Variants in COG6 observed in about 807,000 individuals in gnomAD.
The protein encoded by COG6 is component of oligomeric golgi complex 6.
A neutral mutation model predicts 88.8 loss-of-function variants in COG6; 74 were observed. The ratio of observed to expected loss-of-function variants is 0.83; its 90% CI spans 0.69 to 1.01. The LOEUF is 1.01. COG6 is among the 50% of genes least tolerant of loss of function. The pLI is 0.00. For missense variants in COG6, 800 were observed against 797.9 expected (o/e 1.00, Z -0.03); for synonymous variants, 286 against 278.7 (o/e 1.03, Z -0.26).
At chr13:39,771,346 C>G (rs1300948812) in intron 18 of COG6, among the ~76,000 whole-genome samples, 1 of 152,252 alleles carries the variant, frequency 6.6e-6, no homozygotes, top group Non-Finnish European at 1.5e-5. Flanking sequence ...CGTCTCCACA[C>G]TGGACAAGAA....
intron 7 of COG6, 53 bp downstream of exon 7, chr13:39,680,098 T>G (rs1382128213): frequency 7.5e-6 from 8 of 1,073,726 alleles, no homozygotes; most frequent in Non-Finnish European, 1.1e-5. Flanking sequence ...TAGTTGTTTT[T>G]TAAAATTTTA....
chr13:39,684,772 T>C (rs942462555), intron 8 of COG6, among the ~76,000 whole-genome samples: 1 of 152,200 alleles, frequency 6.6e-6, no homozygotes, highest in Admixed American at 6.5e-5. Flanking sequence ...TATAAAAGTT[T>C]CACTGTCCAT....
At chr13:39,698,126 G>A (rs1593433727) in intron 12 of COG6, among the ~76,000 whole-genome samples, 1 of 151,296 alleles carries the variant, frequency 6.6e-6, no homozygotes, top group Non-Finnish European at 1.5e-5. Flanking sequence ...TTCAATAAAC[G>A]TTAGTAAATT....
chr13:39,776,073 G>A (rs1441878263), intron 18 of COG6, among the ~76,000 whole-genome samples: 1 of 152,146 alleles, frequency 6.6e-6, no homozygotes, highest in Non-Finnish European at 1.5e-5. Flanking sequence ...CCGGTCGAAA[G>A]TTTTGTTTTA....
In COG6 at chr13:39,751,599, G is replaced by C. The variant is rs1304686571; in HGVS notation, c.*506G>C. ...TCCCCAAAATAGCTGCCCTTAAAGA[G>C]TTGTTAGCAGAGAGAAAAATAACAG... On this transcript the variant is annotated 3_prime_UTR_variant, in exon 19 of 19. Transcript: ENST00000455146. 7.0e-6 allele frequency: 9 copies of C among 1,287,174 alleles called. No individual in the cohort carries two copies. Among genetic ancestry groups the C allele is most frequent in the African/African-American group, 3.0e-5 (2 of 65,910 alleles). 79.7% of individuals were successfully genotyped at this position (1,287,174 alleles called of 1,614,324 possible).
chr13:39,664,491 G>A (rs1289731392), intron 3 of COG6, among the ~76,000 whole-genome samples: 1 of 152,174 alleles, frequency 6.6e-6, no homozygotes, highest in African/African-American at 2.4e-5. Flanking sequence ...TCTTGGATAA[G>A]ATGCTTTTTT....
At chr13:39,748,920 TC>T (rs1880480711) in intron 18 of COG6, among the ~76,000 whole-genome samples, 1 of 152,182 alleles carries the variant, frequency 6.6e-6, no homozygotes, top group African/African-American at 2.4e-5. Flanking sequence ...TATTTTCTTT[TC>T]TAGACCACAG....
At chr13:39,745,395 G>GA (rs981904326) in intron 18 of COG6, among the ~76,000 whole-genome samples, 2 of 151,252 alleles carry the variant, frequency 1.3e-5, no homozygotes, top group Non-Finnish European at 3.0e-5. Context: ...AAATTTACAA[G>GA]AAAAAAAACC....
intron 4 of COG6, among the ~76,000 whole-genome samples, chr13:39,673,172 A>T (rs1290424132): frequency 6.6e-6 from 1 of 151,896 alleles, no homozygotes. Context: ...ATTTTCTCCC[A>T]TTTTTTGGGT....
intron 13 of COG6, among the ~76,000 whole-genome samples, chr13:39,707,125 G>A (rs1034256534): frequency 6.6e-6 from 1 of 151,116 alleles, no homozygotes; most frequent in Non-Finnish European, 1.5e-5. Flanking sequence ...AAGAACAAAT[G>A]AGCTCACTTT....
chr13:39,782,264 G>GTACC (rs1386341998), intron 18 of COG6, among the ~76,000 whole-genome samples: 1 of 152,198 alleles, frequency 6.6e-6, no homozygotes, highest in Non-Finnish European at 1.5e-5. Flanking sequence ...GGGACTAGAG[G>GTACC]TACCCTTCTA....
chr13:39,737,830 G>C (rs1385232056), intron 18 of COG6, among the ~76,000 whole-genome samples: 1 of 152,072 alleles, frequency 6.6e-6, no homozygotes, highest in African/African-American at 2.4e-5. Flanking sequence ...CTCTGGTTCT[G>C]ACCGCTGGGA....
At chr13:39,776,460 A>G (rs181352714) in intron 18 of COG6, among the ~76,000 whole-genome samples, 1 of 152,294 alleles carries the variant, frequency 6.6e-6, no homozygotes, top group African/African-American at 2.4e-5. Flanking sequence ...TGTCTTCTCC[A>G]TTGTTATTGT....
At chr13:39,742,671 C>G (rs1880111286) in intron 18 of COG6, among the ~76,000 whole-genome samples, 3 of 152,084 alleles carry the variant, frequency 2.0e-5, no homozygotes, top group Admixed American at 2.0e-4. Context: ...TTTAACACCC[C>G]ACTGTCAACA....
intron 13 of COG6, among the ~76,000 whole-genome samples, chr13:39,705,277 A>G (rs1593438519): frequency 1.3e-5 from 2 of 152,174 alleles, no homozygotes; most frequent in Admixed American, 6.5e-5. Flanking sequence ...TTGTGCTTTT[A>G]AAAAGACATA....
chr13:39,687,575 A>G lies in COG6; in HGVS notation c.861A>G (p.Arg287=), dbSNP rs1566179905. The G allele has an allele frequency of 1.9e-6, 3 of 1,613,832 alleles. No homozygotes were observed. The highest frequency in any genetic ancestry group is 2.5e-6 in the Non-Finnish European group (3 of 1,179,978). Residue 287 remains arginine (R), a synonymous_variant, in exon 9 of 19, where the codon AGA becomes AGG. Transcript: ENST00000455146. ...GTGGATTTATTGATGCGCTCACAAG[A>G]GGGGGCCCCGGAGGTACACCTAGAC... The part of the protein sequence containing the change: ...VVRGFIDALT[R]GGPGGTPRPI...
chr13:39,711,445 G>A (rs951380856), intron 13 of COG6, among the ~76,000 whole-genome samples: 2 of 152,048 alleles, frequency 1.3e-5, no homozygotes, highest in Non-Finnish European at 2.9e-5. Context: ...TAACACTTCG[G>A]TGTAGTGGTT....
chr13:39,758,373 G>A (rs960140435), intron 18 of COG6, among the ~76,000 whole-genome samples: 3 of 152,076 alleles, frequency 2.0e-5, no homozygotes, highest in African/African-American at 7.2e-5. Context: ...TAATTTTGGG[G>A]CATCAAGTTC....
chr13:39,656,285 A>G (rs1874490217), intron 1 of COG6: 3 of 441,592 alleles, frequency 6.8e-6, no homozygotes, highest in Non-Finnish European at 1.4e-5. Flanking sequence ...GGTAGCGCAA[A>G]TGGGGGTCGG....
Sources: allele counts gnomAD v4.1 joint callset (sites outside exome capture counted in the v4.1 genomes callset), GRCh38; gene constraint gnomAD v4.1.1; transcripts MANE v1.5; gene names NCBI Gene and HGNC (gene_info 2026-07-23, HGNC 2026-07-21).